Variants in LRP1B observed in about 807,000 individuals in gnomAD.
The protein encoded by LRP1B is LDL receptor related protein 1B, also known as low-density lipoprotein receptor-related protein 1B.
LRP1B carries 217 observed loss-of-function variants against 556.6 expected under a neutral mutation model. The observed-to-expected ratio is 0.39, with a 90% CI of 0.35 to 0.44. The LOEUF is 0.44. Ranked by LOEUF, LRP1B falls within the 20% of genes least tolerant of loss-of-function variation. The pLI is 1.00. For missense variants in LRP1B, 5,053 were observed against 5,620.8 expected (o/e 0.90, Z 3.23); for synonymous variants, 2,047 against 1,865.8 (o/e 1.10, Z -2.50).
chr2:140,674,152 G>A (rs1163157476), intron 41 of LRP1B, among the ~76,000 whole-genome samples: 1 of 151,884 alleles, frequency 6.6e-6, no homozygotes, highest in Non-Finnish European at 1.5e-5. Context: ...GTTTAACCAT[G>A]TTGGTCAGGC....
In LRP1B at chr2:141,063,560, C is replaced by T. The variant is rs558277820; in HGVS notation, c.1014-1287G>A. 1.9e-4 allele frequency among the ~76,000 whole-genome samples: 29 copies of T among 151,900 alleles called. No homozygotes were observed. In the South Asian group the frequency reaches 6.0e-3, roughly 31 times the overall value. The stretch of plus-strand genomic sequence containing the variant: ...TCTAGTGAAGAATAAATAAAGGGCA[C>T]ACCCTGCATTCTCATTGTCATGCTA... On this transcript the variant is annotated intron_variant, in intron 7 of 90. Coordinates refer to ENST00000389484, the MANE Select transcript of LRP1B (RefSeq NM_018557.3).
chr2:141,033,714 G>A (rs1175098784), intron 11 of LRP1B, among the ~76,000 whole-genome samples: 3 of 152,024 alleles, frequency 2.0e-5, no homozygotes, highest in African/African-American at 7.2e-5. Flanking sequence ...CCACCCCATG[G>A]GAACACTGTG....
intron 1 of LRP1B, among the ~76,000 whole-genome samples, chr2:142,040,734 T>C (rs1206453053): frequency 6.6e-6 from 1 of 151,282 alleles, no homozygotes; most frequent in Non-Finnish European, 1.5e-5. Context: ...TTCATGTCTA[T>C]TAAAATGCCA....
chr2:140,970,393 T>TCTA (rs1696376542), intron 18 of LRP1B, among the ~76,000 whole-genome samples: 1 of 152,212 alleles, frequency 6.6e-6, no homozygotes, highest in Non-Finnish European at 1.5e-5. Flanking sequence ...TCAGGACTTC[T>TCTA]CTACACTTGT....
At chr2:141,660,485 G>A (rs1384664) in intron 2 of LRP1B, among the ~76,000 whole-genome samples, 47,352 of 151,824 alleles carry the variant, frequency 0.31, 7,922 homozygotes, top group Non-Finnish European at 0.38. Flanking sequence ...GTTCCCCCCC[G>A]CTGGTGCCGC....
chr2:142,089,205 ATTAAT>A (rs1706067847), intron 1 of LRP1B, among the ~76,000 whole-genome samples: 1 of 116,376 alleles, frequency 8.6e-6, no homozygotes, highest in South Asian at 3.3e-4. Flanking sequence ...TTCAATCAAT[ATTAAT>A]TTTAGTTTTT....
intron 1 of LRP1B, among the ~76,000 whole-genome samples, chr2:141,925,574 C>T (rs1700313156): frequency 6.6e-6 from 1 of 152,192 alleles, no homozygotes; most frequent in East Asian, 1.9e-4. Flanking sequence ...CTAGGCCAGA[C>T]AATGTCCTGG....
At chr2:140,545,411 A>G (rs906227841) in intron 43 of LRP1B, among the ~76,000 whole-genome samples, 8 of 151,802 alleles carry the variant, frequency 5.3e-5, no homozygotes, top group Non-Finnish European at 1.0e-4. Flanking sequence ...GGGTTTTTAT[A>G]GTTTTGAGTT....
chr2:140,234,903 T>G lies in LRP1B; in HGVS notation c.13561-19A>C. The stretch of plus-strand genomic sequence containing the variant: ...ACCTGGCCTGTATATAAACAGAAAA[T>G]TTTAGTTTCTGATCTAATATTATAG... On this transcript the variant is annotated intron_variant, in intron 89 of 90. Transcript: ENST00000389484. 1 of 757,750 alleles carries G rather than the reference T, an allele frequency of 1.3e-6. No individual in the cohort carries two copies. The highest frequency in any genetic ancestry group is 2.4e-6 in the Non-Finnish European group (1 of 409,392). 46.9% of individuals were successfully genotyped at this position (757,750 alleles called of 1,614,324 possible). A position where few individuals can be genotyped will look rare whatever the true frequency, so the allele number is the denominator to read the frequency against.
intron 6 of LRP1B, among the ~76,000 whole-genome samples, chr2:141,202,882 C>T (rs571633255): frequency 6.6e-6 from 1 of 152,124 alleles, no homozygotes; most frequent in African/African-American, 2.4e-5. Flanking sequence ...CTCCCCTAAC[C>T]CCCACCCCCC....
In LRP1B at chr2:140,345,879, A is replaced by ATATAT. The variant is rs1426120597; in HGVS notation, c.11892+4917_11892+4918insATATA. On this transcript the variant is annotated intron_variant, in intron 77 of 90. Coordinates refer to ENST00000389484, the MANE Select transcript of LRP1B (RefSeq NM_018557.3). ...ACACACACATATATATATATATATA[A>ATATAT]AAAAAATAGCATTACTTCTTTCTCA... Among the ~76,000 whole-genome samples the ATATAT allele has an allele frequency of 8.5e-3, 1,162 of 137,396 alleles. 32 individuals are homozygous for ATATAT. Among genetic ancestry groups the ATATAT allele is most frequent in the African/African-American group, 0.029 (1,076 of 37,350 alleles). The allele number at this position is 137,396 out of a possible 152,430, so 90.1% of individuals were successfully genotyped here.
At chr2:140,314,852 A>C in intron 83 of LRP1B, 83 bp downstream of exon 83, 1 of 937,838 alleles carries the variant, frequency 1.1e-6, no homozygotes, top group Non-Finnish European at 1.6e-6. Flanking sequence ...ATTAGGAAGT[A>C]TATTTGTAAC....
At chr2:141,150,688 G>T (rs1296690161) in intron 7 of LRP1B, among the ~76,000 whole-genome samples, 11 of 152,128 alleles carry the variant, frequency 7.2e-5, no homozygotes, top group Admixed American at 7.2e-4. Context: ...TGCTAGTCTT[G>T]TGATTGCCAA....
intron 7 of LRP1B, among the ~76,000 whole-genome samples, chr2:141,064,800 A>T (rs745798990): frequency 2.2e-4 from 34 of 152,062 alleles, no homozygotes; most frequent in South Asian, 2.1e-4. Context: ...GCTGTATTAC[A>T]ATTGGTAAAC....
chr2:140,308,465 G>T (rs1260049268), intron 83 of LRP1B, among the ~76,000 whole-genome samples: 1 of 151,776 alleles, frequency 6.6e-6, no homozygotes, highest in Non-Finnish European at 1.5e-5. Flanking sequence ...GTAGATACAT[G>T]CTACTGAGCA....
At chr2:141,504,017 G>T (rs1054721922) in intron 2 of LRP1B, among the ~76,000 whole-genome samples, 2 of 152,082 alleles carry the variant, frequency 1.3e-5, no homozygotes, top group Non-Finnish European at 1.5e-5. Flanking sequence ...AAACGATTTA[G>T]GCTATTGGAT....
chr2:141,315,252 ATTTTTTT>A (rs34839276), intron 3 of LRP1B, among the ~76,000 whole-genome samples: 1 of 77,164 alleles, frequency 1.3e-5, no homozygotes, highest in Non-Finnish European at 2.2e-5. Flanking sequence ...AATGATTGTA[ATTTTTTT>A]TTTTTTTTTT....
intron 2 of LRP1B, among the ~76,000 whole-genome samples, chr2:141,511,909 A>T (rs1056015319): frequency 9.2e-5 from 14 of 152,174 alleles, no homozygotes; most frequent in African/African-American, 3.4e-4. Context: ...AAATTTTCTT[A>T]TAAGAGGCAT....
chr2:140,510,656 A>G (rs1689613553), intron 51 of LRP1B, among the ~76,000 whole-genome samples: 1 of 152,168 alleles, frequency 6.6e-6, no homozygotes, highest in Non-Finnish European at 1.5e-5. Flanking sequence ...CACTCATGTC[A>G]TTACTATTAC....
Sources: gnomAD v4.1 joint callset for allele counts (sites outside exome capture counted in the v4.1 genomes callset) on GRCh38, gnomAD v4.1.1 for gene constraint, MANE v1.5 for transcripts, NCBI Gene and HGNC (gene_info 2026-07-23, HGNC 2026-07-21) for gene names.